Variants in AKAP19 observed in about 807,000 individuals in gnomAD.
AKAP19 encodes A-kinase anchoring protein 19, also known as small A-kinase anchoring protein.
At chr2:189,950,764 A>G in the AKAP19 span, among the ~76,000 whole-genome samples, 1 of 152,090 alleles carries the variant, frequency 6.6e-6, no homozygotes, top group Non-Finnish European at 1.5e-5. Context: ...CTTCCCACTA[A>G]TGACTTAAGT....
chr2:189,992,168 G>A, the AKAP19 span, among the ~76,000 whole-genome samples: 1 of 150,500 alleles, frequency 6.6e-6, no homozygotes, highest in Non-Finnish European at 1.5e-5. Context: ...CAATTCTCCT[G>A]TCTCAGCCTC....
the AKAP19 span, chr2:190,199,590 G>T: frequency 1.9e-6 from 1 of 518,922 alleles, no homozygotes. Context: ...TTTTACCTCA[G>T]ATTTCTTCCA....
chr2:189,994,025 T>C, the AKAP19 span, among the ~76,000 whole-genome samples: 2 of 152,018 alleles, frequency 1.3e-5, no homozygotes, highest in Non-Finnish European at 2.9e-5. Flanking sequence ...TCTTTTTTTT[T>C]TTTTGAGTTG....
chr2:189,990,737 G>C, the AKAP19 span, among the ~76,000 whole-genome samples: 2 of 151,332 alleles, frequency 1.3e-5, no homozygotes, highest in Admixed American at 6.6e-5. Flanking sequence ...AAGTTTTTTG[G>C]GGAACAGATG....
chr2:189,934,345 T>A, the AKAP19 span, among the ~76,000 whole-genome samples: 2 of 152,072 alleles, frequency 1.3e-5, no homozygotes, highest in Non-Finnish European at 2.9e-5. Context: ...TCTGGAAAAC[T>A]GACAAAATTT....
At chr2:189,927,827 A>G in the AKAP19 span, among the ~76,000 whole-genome samples, 3 of 152,210 alleles carry the variant, frequency 2.0e-5, no homozygotes, top group Non-Finnish European at 4.4e-5. Context: ...AATTAAATAC[A>G]TTAGAAATTC....
At chr2:190,081,655 TG>T in the AKAP19 span, among the ~76,000 whole-genome samples, 1 of 152,178 alleles carries the variant, frequency 6.6e-6, no homozygotes, top group Non-Finnish European at 1.5e-5. Flanking sequence ...ATTAAACCCT[TG>T]GGGGAAAAAT....
At chr2:189,979,601 T>A in the AKAP19 span, among the ~76,000 whole-genome samples, 2 of 152,004 alleles carry the variant, frequency 1.3e-5, no homozygotes, top group Non-Finnish European at 2.9e-5. Context: ...AACTAAGGCA[T>A]CTCTGTATAG....
At chr2:190,148,163 T>G in the AKAP19 span, among the ~76,000 whole-genome samples, 2 of 152,218 alleles carry the variant, frequency 1.3e-5, no homozygotes, top group Non-Finnish European at 2.9e-5. Flanking sequence ...TGGCTTTTAT[T>G]ACACTGAGGA....
the AKAP19 span, among the ~76,000 whole-genome samples, chr2:190,192,860 T>G: frequency 6.6e-6 from 1 of 152,180 alleles, no homozygotes; most frequent in Non-Finnish European, 1.5e-5. Context: ...CACTTTTATA[T>G]GTTAAGACCT....
At chr2:190,134,796 G>A in the AKAP19 span, among the ~76,000 whole-genome samples, 1 of 141,134 alleles carries the variant, frequency 7.1e-6, no homozygotes, top group Non-Finnish European at 1.5e-5. Context: ...GCATCTTACT[G>A]TATTACTATT....
the AKAP19 span, among the ~76,000 whole-genome samples, chr2:190,100,621 T>A: frequency 6.6e-6 from 1 of 152,196 alleles, no homozygotes; most frequent in African/African-American, 2.4e-5. Context: ...TTACAAAGTA[T>A]GTTTAAAATA....
the AKAP19 span, among the ~76,000 whole-genome samples, chr2:189,899,671 C>A: frequency 2.0e-5 from 3 of 152,196 alleles, no homozygotes; most frequent in Non-Finnish European, 2.9e-5. Context: ...TTGGCTGTTG[C>A]CCTTTTTCAT....
At chr2:189,991,274 T>A in the AKAP19 span, among the ~76,000 whole-genome samples, 2 of 152,240 alleles carry the variant, frequency 1.3e-5, no homozygotes, top group African/African-American at 2.4e-5. Flanking sequence ...AACTCCATAC[T>A]GTTTTTGATA....
the AKAP19 span, among the ~76,000 whole-genome samples, chr2:189,938,394 C>T: frequency 6.6e-6 from 1 of 151,744 alleles, no homozygotes; most frequent in African/African-American, 2.4e-5. Context: ...ACTATTCAGC[C>T]ATGAAAAAGA....
chr2:189,975,917 G>A, the AKAP19 span, among the ~76,000 whole-genome samples: 1 of 152,124 alleles, frequency 6.6e-6, no homozygotes. Context: ...GCTTCTTTGT[G>A]TTGGGTTCAG....
the AKAP19 span, among the ~76,000 whole-genome samples, chr2:190,147,214 A>T: frequency 3.3e-5 from 5 of 152,194 alleles, no homozygotes; most frequent in East Asian, 9.6e-4. Context: ...ATTATCCTAC[A>T]TGTGGCTTGC....
At chr2:190,093,271 A>C in the AKAP19 span, among the ~76,000 whole-genome samples, 1 of 151,286 alleles carries the variant, frequency 6.6e-6, no homozygotes, top group Non-Finnish European at 1.5e-5. Context: ...AAAAAAAAAA[A>C]AAAATACAAA....
the AKAP19 span, chr2:189,924,153 T>C: frequency 1.9e-6 from 3 of 1,611,226 alleles, no homozygotes. Context: ...TCAAGGATGA[T>C]GAAAAAGAGG....
Sources: allele counts gnomAD v4.1 joint callset (sites outside exome capture counted in the v4.1 genomes callset), GRCh38; gene constraint gnomAD v4.1.1; transcripts MANE v1.5; gene names NCBI Gene and HGNC (gene_info 2026-07-23, HGNC 2026-07-21).